The following UBE2E2 variants were observed in gnomAD, a reference collection of about 807,000 sequenced individuals.
UBE2E2 encodes the protein ubiquitin conjugating enzyme E2 E2, also known as ubiquitin-conjugating enzyme E2 E2.
A neutral mutation model predicts 24.7 loss-of-function variants in UBE2E2; 6 were observed. That is an observed-to-expected ratio of 0.24 (90% CI 0.13 to 0.48). The LOEUF (loss-of-function observed/expected upper bound fraction) is 0.48, where lower values mean the gene tolerates loss of function less well. Ranked by LOEUF, UBE2E2 falls within the 20% of genes least tolerant of loss-of-function variation. The pLI, the probability that UBE2E2 is intolerant of heterozygous loss-of-function variation, is 0.99. For missense variants in UBE2E2, 169 were observed against 245.0 expected (o/e 0.69, Z 2.07); for synonymous variants, 104 against 83.6 (o/e 1.24, Z -1.33).
chr3:23,503,641 A>T (rs538794232), intron 4 of UBE2E2, among the ~76,000 whole-genome samples: 5 of 151,942 alleles, frequency 3.3e-5, no homozygotes, highest in Admixed American at 3.3e-4. Context: ...ATCATTTGAG[A>T]TCAGGAGTTC....
At chr3:23,574,420 A>T (rs945229153) in intron 5 of UBE2E2, among the ~76,000 whole-genome samples, 6 of 152,306 alleles carry the variant, frequency 3.9e-5, no homozygotes, top group South Asian at 4.1e-4. Context: ...GCTTGAGGGG[A>T]TGAATACTCC....
At chr3:23,253,202 C>T (rs527722684) in intron 3 of UBE2E2, among the ~76,000 whole-genome samples, 1 of 152,078 alleles carries the variant, frequency 6.6e-6, no homozygotes, top group African/African-American at 2.4e-5. Context: ...GATAAAATTA[C>T]ACACTAAAAT....
intron 3 of UBE2E2, among the ~76,000 whole-genome samples, chr3:23,237,293 A>G (rs933524193): frequency 3.3e-5 from 5 of 152,214 alleles, no homozygotes; most frequent in Non-Finnish European, 7.3e-5. Context: ...CATATAATGT[A>G]TTATTCATTA....
At chr3:23,326,497 A>G (rs977241025) in intron 3 of UBE2E2, among the ~76,000 whole-genome samples, 1 of 152,108 alleles carries the variant, frequency 6.6e-6, no homozygotes, top group African/African-American at 2.4e-5. Context: ...TGAGATTTTT[A>G]TGTTCTTAAA....
chr3:23,408,471 A>G (rs999992246), intron 3 of UBE2E2, among the ~76,000 whole-genome samples: 4 of 152,196 alleles, frequency 2.6e-5, no homozygotes, highest in Non-Finnish European at 5.9e-5. Flanking sequence ...TTTTCTCAGT[A>G]GAGAATGAGG....
chr3:23,477,961 G>A (rs1294275786), intron 3 of UBE2E2, among the ~76,000 whole-genome samples: 1 of 152,184 alleles, frequency 6.6e-6, no homozygotes, highest in Non-Finnish European at 1.5e-5. Flanking sequence ...GAGGAAGGAG[G>A]TGTTTGCTTC....
At chr3:23,501,372 T>C (rs1238371793) in intron 4 of UBE2E2, among the ~76,000 whole-genome samples, 1 of 152,156 alleles carries the variant, frequency 6.6e-6, no homozygotes, top group Middle Eastern at 3.2e-3. Flanking sequence ...AGTCGTGCAC[T>C]CCACTGGGCA....
intron 3 of UBE2E2, among the ~76,000 whole-genome samples, chr3:23,332,996 G>A (rs901007122): frequency 3.3e-5 from 5 of 152,146 alleles, no homozygotes; most frequent in Non-Finnish European, 7.4e-5. Flanking sequence ...TTGAAGCAGA[G>A]ATTTGTGAAA....
chr3:23,338,602 A>G (rs1485455236), intron 3 of UBE2E2, among the ~76,000 whole-genome samples: 1 of 152,094 alleles, frequency 6.6e-6, no homozygotes, highest in Non-Finnish European at 1.5e-5. Context: ...TGAATTGGGG[A>G]CTGGGACTGG....
At chr3:23,526,708 T>G (rs997922845) in intron 4 of UBE2E2, among the ~76,000 whole-genome samples, 2 of 152,166 alleles carry the variant, frequency 1.3e-5, no homozygotes, top group Non-Finnish European at 2.9e-5. Flanking sequence ...AAGGTGGTAG[T>G]TGTGGGAGTC....
At chr3:23,354,619 C>T (rs933188930) in intron 3 of UBE2E2, among the ~76,000 whole-genome samples, 2 of 152,212 alleles carry the variant, frequency 1.3e-5, no homozygotes, top group East Asian at 1.9e-4. Context: ...CCAAAAAACA[C>T]GTGAAAAAAT....
chr3:23,529,659 G>T (rs890194010), intron 4 of UBE2E2, among the ~76,000 whole-genome samples: 1 of 151,986 alleles, frequency 6.6e-6, no homozygotes, highest in East Asian at 1.9e-4. Context: ...TGTTTTGAGG[G>T]TTAATTATCA....
At chr3:23,302,895 AT>A (rs1277534345) in intron 3 of UBE2E2, among the ~76,000 whole-genome samples, 1 of 152,046 alleles carries the variant, frequency 6.6e-6, no homozygotes, top group Non-Finnish European at 1.5e-5. Context: ...GCTTCCCCTA[AT>A]TTTTCTCCTT....
chr3:23,397,041 A>G (rs906866159), intron 3 of UBE2E2, among the ~76,000 whole-genome samples: 1 of 152,186 alleles, frequency 6.6e-6, no homozygotes, highest in African/African-American at 2.4e-5. Flanking sequence ...TTTCCAGTGT[A>G]TGATTATGCC....
At chr3:23,415,695 G>A (rs998550987) in intron 3 of UBE2E2, among the ~76,000 whole-genome samples, 2 of 151,978 alleles carry the variant, frequency 1.3e-5, no homozygotes, top group African/African-American at 4.8e-5. Flanking sequence ...CTTTTTGTAG[G>A]TCATATCAGT....
intron 3 of UBE2E2, among the ~76,000 whole-genome samples, chr3:23,221,914 A>G (rs997147507): frequency 6.6e-5 from 10 of 152,224 alleles, no homozygotes; most frequent in African/African-American, 2.4e-4. Flanking sequence ...GGTAAAATAT[A>G]CATACATGAT....
chr3:23,222,771 T>C (rs1021781432), intron 3 of UBE2E2, among the ~76,000 whole-genome samples: 28 of 152,158 alleles, frequency 1.8e-4, no homozygotes, highest in Non-Finnish European at 2.9e-4. Context: ...AAGTTCTGTT[T>C]TTAGTTTTGT....
At chr3:23,371,309 G>A (rs542533441) in intron 3 of UBE2E2, among the ~76,000 whole-genome samples, 1 of 152,214 alleles carries the variant, frequency 6.6e-6, no homozygotes, top group East Asian at 1.9e-4. Context: ...GAGATTACAG[G>A]TGTGAGCCAC....
intron 3 of UBE2E2, among the ~76,000 whole-genome samples, chr3:23,312,432 T>G (rs1200477848): frequency 6.6e-6 from 1 of 152,114 alleles, no homozygotes; most frequent in East Asian, 1.9e-4. Context: ...CATGTATAAT[T>G]ATTATTGACT....
Sources: allele counts gnomAD v4.1 joint callset (sites outside exome capture counted in the v4.1 genomes callset), GRCh38; gene constraint gnomAD v4.1.1; transcripts MANE v1.5; gene names NCBI Gene and HGNC (gene_info 2026-07-23, HGNC 2026-07-21).